FCRL6: variants seen among roughly 807,000 people sequenced by gnomAD.
FCRL6 encodes Fc receptor-like protein 6.
Under a neutral mutation model 49.1 loss-of-function variants are expected in FCRL6, and 50 were observed. That is an observed-to-expected ratio of 1.02 (90% CI 0.81 to 1.29). The LOEUF (loss-of-function observed/expected upper bound fraction) is 1.29. Ranked by LOEUF, FCRL6 falls within the 50% of genes most tolerant of loss-of-function variation. FCRL6 has a pLI of 0.00. For synonymous variants in FCRL6, 213 were observed against 199.6 expected, an observed-to-expected ratio of 1.07 and a Z score of -0.57; for missense variants, 571 against 518.5, an observed-to-expected ratio of 1.10 and a Z score of -0.98.
intron 6 of FCRL6, among the ~76,000 whole-genome samples, chr1:159,810,670 T>A (rs1416471947): frequency 2.0e-5 from 3 of 152,128 alleles, no homozygotes; most frequent in Non-Finnish European, 4.4e-5. Context: ...ACAGTGTGTA[T>A]GCATAGGCTC....
In FCRL6 at chr1:159,802,446, C is replaced by T; in HGVS notation, c.22C>T (p.Leu8=). The T allele has an allele frequency of 2.5e-6, 4 of 1,613,784 alleles. No individual in the cohort carries two copies. The highest frequency in any genetic ancestry group is 3.4e-6 in the Non-Finnish European group (4 of 1,179,830). The change falls in exon 1 of 10, where the codon CTG becomes TTG. Residue 8 remains leucine, a synonymous_variant. Coordinates refer to ENST00000368106, the MANE Select transcript of FCRL6 (RefSeq NM_001004310.3). ...CCCCATGCTGCTCTGGACGGCTGTG[C>T]TGCTCTTTGGTAAGTCAACGAGCAT... MLLWTAV[L]LFVPCVGKTV... is the part of the protein sequence containing the mutation.
intron 3 of FCRL6, 38 bp downstream of exon 3, chr1:159,808,482 G>C (rs776787242): frequency 6.2e-7 from 1 of 1,612,776 alleles, no homozygotes; most frequent in Non-Finnish European, 8.5e-7. Context: ...GGCAGGAGGT[G>C]CTGCTCAAGG....
intron 8 of FCRL6, among the ~76,000 whole-genome samples, chr1:159,815,196 C>A (rs1663320842): frequency 6.6e-6 from 1 of 152,216 alleles, no homozygotes; most frequent in African/African-American, 2.4e-5. Context: ...GTCAAGGAGT[C>A]TCTTAATTGA....
chr1:159,809,279 G>A, intron 4 of FCRL6, 34 bp downstream of exon 4: 1 of 1,527,844 alleles, frequency 6.5e-7, no homozygotes, highest in Middle Eastern at 2.2e-4. Context: ...TGCCCCCAGG[G>A]CCCTGGGCGT....
chr1:159,802,354 G>A, upstream of FCRL6: 2 of 1,596,040 alleles, frequency 1.3e-6, no homozygotes, highest in Non-Finnish European at 1.7e-6. Context: ...CTGAGGCCTG[G>A]TTGCTCTCTG....
chr1:159,809,128 C>G lies in FCRL6; in HGVS notation c.487C>G (p.Pro163Ala). ...CACCTTGCAGGACAGGGGCCCTCAC[C>G]CAGAACTCTGCATCCCGGGAGCCAA... ...GHTLQDRGPH[P>A]ELCIPGAKEG... The change falls in exon 4 of 10, where the codon CCA (proline) becomes GCA (alanine). Residue 163 changes from proline (P) to alanine (A), a missense_variant. Transcript: ENST00000368106. 6.2e-7 allele frequency: 1 copy of G among 1,614,064 alleles called. No individual in the cohort carries two copies. The highest frequency in any genetic ancestry group is 1.1e-5 in the South Asian group (1 of 91,088).
In FCRL6 at chr1:159,810,101, A is replaced by G. The variant is rs1663002499; in HGVS notation, c.894A>G (p.Gln298=). ...EPKKLSLKGS[Q]VLFTPASNWL... is the part of the protein sequence containing the mutation. ...TCTTCTCCCTGCTCCCAGGTTCTCA[A>G]GTCTTGTTCACTCCCGCCAGCAACT... The change falls in exon 6 of 10, where the codon CAA becomes CAG. Residue 298 remains glutamine, a synonymous_variant. Transcript: ENST00000368106. 1 of 1,611,216 alleles carries G rather than the reference A, an allele frequency of 6.2e-7. No individual in the cohort carries two copies. The highest frequency in any genetic ancestry group is 8.5e-7 in the Non-Finnish European group (1 of 1,179,086).
intron 1 of FCRL6, among the ~76,000 whole-genome samples, chr1:159,806,364 G>A (rs1328716592): frequency 2.0e-5 from 3 of 151,788 alleles, no homozygotes; most frequent in Non-Finnish European, 4.4e-5. Flanking sequence ...GTGGTTGGGT[G>A]GTTGGATGGT....
intron 6 of FCRL6, among the ~76,000 whole-genome samples, chr1:159,810,669 A>G (rs936684431): frequency 3.3e-5 from 5 of 152,134 alleles, no homozygotes; most frequent in South Asian, 2.1e-4. Context: ...TACAGTGTGT[A>G]TGCATAGGCT....
chr1:159,815,430 A>G lies in FCRL6; in HGVS notation c.1150A>G (p.Arg384Gly), dbSNP rs1663335470. 1 of 1,613,664 alleles carries G rather than the reference A, an allele frequency of 6.2e-7. No homozygotes were observed. Among genetic ancestry groups the G allele is most frequent in the African/African-American group, 1.3e-5 (1 of 74,946 alleles). ...VHRTSKRSEA[R>G]SAEFTVGRKD... ...CTGAGCTCATTCTTTCCCCACAGCC[A>G]GGTCTGCTGAGTTCACCGTGGGGAG... Residue 384 changes from arginine (R) to glycine (G), a missense_variant and splice_region_variant, in exon 9 of 10, where the codon AGG becomes GGG. Physicochemically the swap from Arg to Gly is moderately radical, Grantham distance 125. Transcript: ENST00000368106.
At position 159,809,160 on chromosome 1, in the gene FCRL6, AG is replaced by A. The variant is rs1486185468; in HGVS notation, c.520del (p.Asp174ThrfsTer92). 1.9e-6 allele frequency: 3 copies of A among 1,613,538 alleles called. No individual in the cohort carries two copies. In the African/African-American group the frequency reaches 4.0e-5, roughly 22 times the overall value. On this transcript the variant is annotated frameshift_variant, in exon 4 of 10. Coordinates refer to ENST00000368106, the MANE Select transcript of FCRL6 (RefSeq NM_001004310.3). LOFTEE classifies it high-confidence loss of function. ...ELCIPGAKEG[D>X]SGLYWCEVAP... Reference sequence around the variant, plus strand: ...TCTGCATCCCGGGAGCCAAGGAGGGAGACTCTGGGCTTTACTGGTGTGAGGT... The same window carrying A: ...TCTGCATCCCGGGAGCCAAGGAGGGAACTCTGGGCTTTACTGGTGTGAGGT...
chr1:159,809,349 G>A, intron 4 of FCRL6, 53 bp from the exon 5 acceptor site: 1 of 1,536,644 alleles, frequency 6.5e-7, no homozygotes, highest in Non-Finnish European at 8.7e-7. Context: ...GGAGAGGAGG[G>A]AGCCAGGGTC....
In FCRL6 at chr1:159,815,946, C is replaced by T; in HGVS notation, c.*285C>T. On this transcript the variant is annotated 3_prime_UTR_variant, in exon 10 of 10. Coordinates refer to ENST00000368106, the MANE Select transcript of FCRL6 (RefSeq NM_001004310.3). Reference sequence around the variant, plus strand: ...CACAGATGTCTTCTTTCCATACAAGCATGTTAGTTCGCCCCAATATACATA... The same window carrying T: ...CACAGATGTCTTCTTTCCATACAAGTATGTTAGTTCGCCCCAATATACATA... 2.7e-6 allele frequency: 1 copy of T among 374,892 alleles called. No homozygotes were observed. Among genetic ancestry groups the T allele is most frequent in the Non-Finnish European group, 5.1e-6 (1 of 197,204 alleles). 23.2% of individuals were successfully genotyped at this position (374,892 alleles called of 1,614,324 possible). A position where few individuals can be genotyped will look rare whatever the true frequency, so the allele number is the denominator to read the frequency against.
Position 159,809,698 on chromosome 1 carries a change from C to G in FCRL6, c.886+15C>G. On this transcript the variant is annotated intron_variant, in intron 5 of 9. Coordinates refer to ENST00000368106, the MANE Select transcript of FCRL6 (RefSeq NM_001004310.3). ...GTCTCTGAAGGGTGTGTTTTGTTCT[C>G]CAACAGAGCTTTGAGCCCCAGCAAG... 6.2e-7 allele frequency: 1 copy of G among 1,610,478 alleles called. No homozygotes were observed. The highest frequency in any genetic ancestry group is 8.5e-7 in the Non-Finnish European group (1 of 1,178,230).
chr1:159,808,675 C>T (rs1662875081), intron 3 of FCRL6: 5 of 623,576 alleles, frequency 8.0e-6, no homozygotes, highest in Non-Finnish European at 1.4e-5. Flanking sequence ...GAAGGGGGCA[C>T]TGGGAAGACC....
chr1:159,802,325 C>A, upstream of FCRL6: 1 of 1,407,336 alleles, frequency 7.1e-7, no homozygotes, highest in Non-Finnish European at 9.9e-7. Flanking sequence ...CAGCTCAGGC[C>A]ACCCACCCAC....
chr1:159,808,741 C>T, intron 3 of FCRL6: 1 of 609,086 alleles, frequency 1.6e-6, no homozygotes, highest in South Asian at 2.1e-5. Context: ...TTCGAAGGCC[C>T]CCTCTGCCTC....
chr1:159,811,881 A>G (rs1663107038), intron 6 of FCRL6, among the ~76,000 whole-genome samples: 1 of 152,182 alleles, frequency 6.6e-6, no homozygotes, highest in African/African-American at 2.4e-5. Context: ...TCGGTAATAC[A>G]GGTGTTTCTG....
At chr1:159,802,245 G>A, upstream of FCRL6, 1 of 576,726 alleles carries the variant, frequency 1.7e-6, no homozygotes, top group Non-Finnish European at 3.1e-6. Flanking sequence ...AACCAAAGAG[G>A]AAATATCAAT....
Sources: allele counts gnomAD v4.1 joint callset (sites outside exome capture counted in the v4.1 genomes callset), GRCh38; gene constraint gnomAD v4.1.1; transcripts MANE v1.5; gene names NCBI Gene and HGNC (gene_info 2026-07-23, HGNC 2026-07-21).